Variants in TTC28 observed in about 807,000 individuals in gnomAD.
TTC28 encodes tetratricopeptide repeat protein 28.
A neutral mutation model predicts 198.0 loss-of-function variants in TTC28; 61 were observed. The observed-to-expected ratio is 0.31, with a 90% CI of 0.25 to 0.38. The LOEUF (loss-of-function observed/expected upper bound fraction) is 0.38. TTC28 is among the 10% of genes least tolerant of loss of function. TTC28 has a pLI of 1.00. For synonymous variants in TTC28, 1,171 were observed against 1,297.8 expected (o/e 0.90, Z 2.10); for missense variants, 2,678 against 3,164.0 (o/e 0.85, Z 3.69).
At chr22:28,427,099 T>TA (rs1274153589) in intron 2 of TTC28, among the ~76,000 whole-genome samples, 1 of 152,202 alleles carries the variant, frequency 6.6e-6, no homozygotes, top group African/African-American at 2.4e-5. Flanking sequence ...CTAAGCACTG[T>TA]AAAAAATTAA....
rs71316836 is a variant in TTC28, at chr22:28,318,812, CTTTTTTTTTTTTTTTT to C, written c.382-12185_382-12170del. 6.5e-5 allele frequency among the ~76,000 whole-genome samples: 4 copies of C among 61,324 alleles called. No individual in the cohort carries two copies. The Admixed American group carries it at 7.9e-4, about 12-fold the overall frequency. The allele number at this position is 61,324 out of a possible 152,430, so 40.2% of individuals were successfully genotyped here. ...AAAAATGTAGGCTGGGAAGTGTATT[CTTTTTTTTTTTTTTTT>C]TTTTTTTTTGGACAGAGTCTCGCTC... On this transcript the variant is annotated intron_variant, in intron 2 of 22. Coordinates refer to ENST00000397906, the MANE Select transcript of TTC28 (RefSeq NM_001145418.2).
At chr22:28,467,813 G>A (rs2048043784) in intron 2 of TTC28, among the ~76,000 whole-genome samples, 2 of 152,108 alleles carry the variant, frequency 1.3e-5, no homozygotes. Context: ...ACAGGCTGAA[G>A]TGCAGTGGTA....
intron 1 of TTC28, among the ~76,000 whole-genome samples, chr22:28,648,770 G>A (rs535201488): frequency 5.3e-5 from 8 of 152,256 alleles, no homozygotes; most frequent in African/African-American, 9.6e-5. Context: ...TTAGCTGGGC[G>A]TGGTGGCCTG....
intron 6 of TTC28, among the ~76,000 whole-genome samples, chr22:28,147,321 G>T (rs941554911): frequency 1.3e-5 from 2 of 152,196 alleles, no homozygotes; most frequent in Non-Finnish European, 2.9e-5. Context: ...AAAGAGGGGA[G>T]ACTTCAGGTG....
At chr22:28,544,509 T>G (rs1272934992) in intron 2 of TTC28, among the ~76,000 whole-genome samples, 1 of 152,194 alleles carries the variant, frequency 6.6e-6, no homozygotes, top group Non-Finnish European at 1.5e-5. Flanking sequence ...CAGAGGCATT[T>G]GACCCAGAGC....
intron 3 of TTC28, among the ~76,000 whole-genome samples, chr22:28,304,008 G>C (rs374895018): frequency 6.6e-6 from 1 of 152,094 alleles, no homozygotes; most frequent in East Asian, 1.9e-4. Context: ...GGCAGCAGCC[G>C]GGCGCGGTGG....
intron 2 of TTC28, among the ~76,000 whole-genome samples, chr22:28,602,833 T>C (rs73430179): frequency 0.14 from 20,768 of 152,214 alleles, 1,667 homozygotes; most frequent in African/African-American, 0.2. Context: ...TAGAATACAT[T>C]GCAAAAATTA....
chr22:28,085,708 C>G (rs1278461424), intron 12 of TTC28, among the ~76,000 whole-genome samples: 2 of 152,104 alleles, frequency 1.3e-5, no homozygotes, highest in African/African-American at 4.8e-5. Context: ...TTAAAAGACA[C>G]AGACTGGCAA....
intron 12 of TTC28, among the ~76,000 whole-genome samples, chr22:28,085,806 G>T (rs1221840102): frequency 2.6e-5 from 4 of 151,948 alleles, no homozygotes; most frequent in Non-Finnish European, 5.9e-5. Context: ...AAAATAAAAG[G>T]ATGGAGGAAC....
At chr22:28,164,429 A>T (rs1921640015) in intron 5 of TTC28, among the ~76,000 whole-genome samples, 1 of 152,090 alleles carries the variant, frequency 6.6e-6, no homozygotes, top group Non-Finnish European at 1.5e-5. Context: ...ATGGCAGGGT[A>T]CTCCTCTGAG....
chr22:28,185,699 A>G (rs1924132134), intron 5 of TTC28, among the ~76,000 whole-genome samples: 1 of 152,224 alleles, frequency 6.6e-6, no homozygotes, highest in Admixed American at 6.5e-5. Context: ...CAGAGATATT[A>G]AAATGTAAAA....
chr22:28,480,504 T>C (rs373953288), intron 2 of TTC28, among the ~76,000 whole-genome samples: 1 of 152,188 alleles, frequency 6.6e-6, no homozygotes, highest in African/African-American at 2.4e-5. Flanking sequence ...AAGCCTTTCG[T>C]TCTAATTCTG....
intron 12 of TTC28, among the ~76,000 whole-genome samples, chr22:28,069,035 C>G (rs996739158): frequency 1.7e-4 from 26 of 152,100 alleles, no homozygotes; most frequent in African/African-American, 5.6e-4. Flanking sequence ...ACCCAGTACT[C>G]AGAGACCAAA....
intron 5 of TTC28, among the ~76,000 whole-genome samples, chr22:28,175,354 A>G (rs1923060435): frequency 6.6e-6 from 1 of 152,230 alleles, no homozygotes; most frequent in Non-Finnish European, 1.5e-5. Flanking sequence ...ATATTTGCAA[A>G]CTATACACCT....
chr22:28,624,813 T>G (rs1299501864), intron 2 of TTC28, among the ~76,000 whole-genome samples: 2 of 152,056 alleles, frequency 1.3e-5, no homozygotes, highest in East Asian at 3.8e-4. Context: ...GATCAGTATC[T>G]CTCTTAAACA....
chr22:28,089,680 T>A (rs1941748243), intron 12 of TTC28, among the ~76,000 whole-genome samples: 2 of 133,274 alleles, frequency 1.5e-5, no homozygotes, highest in Admixed American at 7.6e-5. Flanking sequence ...TAAAATAAAA[T>A]AAAATAAAAT....
Position 28,441,804 on chromosome 22 carries a change from A to T in TTC28, c.382-135161T>A, listed in dbSNP as rs148585822. On this transcript the variant is annotated intron_variant, in intron 2 of 22. Transcript: ENST00000397906. ...TAACAGAGACAGGTCAAGGCTGGAG[A>T]GGACCACAGCACATTCAGTTTGCTA... Among the ~76,000 whole-genome samples the T allele has an allele frequency of 6.0e-3, 915 of 151,790 alleles. 6 individuals are homozygous for T. Among genetic ancestry groups the T allele is most frequent in the Non-Finnish European group, 8.8e-3 (598 of 67,920 alleles).
At chr22:28,519,547 T>C (rs1037300037) in intron 2 of TTC28, among the ~76,000 whole-genome samples, 1 of 152,202 alleles carries the variant, frequency 6.6e-6, no homozygotes, top group Non-Finnish European at 1.5e-5. Flanking sequence ...CGGTGTTCAT[T>C]TCTACCAGAT....
At chr22:28,337,226 C>A (rs1698624359) in intron 2 of TTC28, among the ~76,000 whole-genome samples, 2 of 152,096 alleles carry the variant, frequency 1.3e-5, no homozygotes, top group Non-Finnish European at 2.9e-5. Flanking sequence ...AATTTCTGTT[C>A]TTTTACATTT....
Sources: gnomAD v4.1 joint callset for allele counts (sites outside exome capture counted in the v4.1 genomes callset) on GRCh38, gnomAD v4.1.1 for gene constraint, MANE v1.5 for transcripts, NCBI Gene and HGNC (gene_info 2026-07-23, HGNC 2026-07-21) for gene names.